Variants in SCUBE2 observed in about 807,000 individuals in gnomAD.
SCUBE2 encodes signal peptide, CUB and EGF-like domain-containing protein 2.
A neutral mutation model predicts 125.9 loss-of-function variants in SCUBE2; 114 were observed. The ratio of observed to expected loss-of-function variants is 0.91; its 90% CI spans 0.78 to 1.06. The LOEUF (loss-of-function observed/expected upper bound fraction) is 1.06. Ranked by LOEUF, SCUBE2 falls within the 50% of genes least tolerant of loss-of-function variation. The pLI, the probability that SCUBE2 is intolerant of heterozygous loss-of-function variation, is 0.00. For synonymous variants in SCUBE2, 459 were observed against 492.9 expected (o/e 0.93, Z 0.91); for missense variants, 1,255 against 1,301.8 (o/e 0.96, Z 0.55).
intron 4 of SCUBE2, among the ~76,000 whole-genome samples, chr11:9,071,860 C>T (rs1860826668): frequency 6.6e-6 from 1 of 152,112 alleles, no homozygotes; most frequent in Non-Finnish European, 1.5e-5. Context: ...TCTCAGAACA[C>T]ACAAAACAAA....
At chr11:9,042,783 G>A (rs1321393411) in intron 16 of SCUBE2, among the ~76,000 whole-genome samples, 2 of 152,112 alleles carry the variant, frequency 1.3e-5, no homozygotes, top group African/African-American at 4.8e-5. Flanking sequence ...TCTGAGCTCA[G>A]CCCACCTCTT....
In SCUBE2 at chr11:9,025,891, C is replaced by T. The variant is rs748360140; in HGVS notation, c.2702-37G>A. The T allele has an allele frequency of 6.2e-6, 10 of 1,601,710 alleles. 1 individual carries two copies. ...AGTTGGAGAAGGGTGGGGTTCAAGACTCATCACTGATCAGGCATAGAGTAG... is the reference window on the plus strand; with the variant it reads ...AGTTGGAGAAGGGTGGGGTTCAAGATTCATCACTGATCAGGCATAGAGTAG... On this transcript the variant is annotated intron_variant, in intron 20 of 22. Transcript: ENST00000649792.
intron 16 of SCUBE2, among the ~76,000 whole-genome samples, chr11:9,035,098 T>C (rs1304737820): frequency 6.6e-6 from 1 of 152,222 alleles, no homozygotes; most frequent in Admixed American, 6.5e-5. Context: ...AAATGTAGAT[T>C]TGTACCTTAT....
chr11:9,078,184 C>T (rs1198429948), intron 3 of SCUBE2, among the ~76,000 whole-genome samples: 3 of 152,200 alleles, frequency 2.0e-5, no homozygotes. Flanking sequence ...ATACTGATTC[C>T]TGCTCTCAGG....
chr11:9,031,158 A>G (rs1011019393), intron 17 of SCUBE2: 19 of 391,440 alleles, frequency 4.9e-5, no homozygotes, highest in Non-Finnish European at 8.2e-5. Context: ...ATGGAAACCA[A>G]GAAGTCAAGT....
At position 9,074,564 on chromosome 11, in the gene SCUBE2, T is replaced by C. The variant is rs1172440996; in HGVS notation, c.434A>G (p.Asn145Ser). The C allele has an allele frequency of 6.2e-7, 1 of 1,614,086 alleles. No individual in the cohort carries two copies. The highest frequency in any genetic ancestry group is 2.2e-5 in the East Asian group (1 of 44,894). The change falls in exon 4 of 23, where the codon AAC (asparagine) becomes AGC (serine). Residue 145 changes from asparagine to serine, a missense_variant. By Grantham distance (46) the Asn-to-Ser change is conservative. This residue lies in a region of SCUBE2 where 362 missense variants were observed against 323.0 expected (regional missense o/e 1.12). Transcript: ENST00000649792. ...GCAGCACTCATAGCTCCCCATGACG[T>C]TGACACAGGTATGCTGGCAGCCGCC... ...NNGGCQHTCVNVMGSYECCCK... is the reference protein window; with the variant it reads ...NNGGCQHTCVSVMGSYECCCK...
Position 9,054,725 on chromosome 11 carries a change from A to AT in SCUBE2, c.1208-967dup, listed in dbSNP as rs1174774188. 4.4e-3 allele frequency among the ~76,000 whole-genome samples: 98 copies of AT among 22,352 alleles called. 6 individuals carry two copies. The highest frequency in any genetic ancestry group is 0.019 in the East Asian group (6 of 314). The allele number at this position is 22,352 out of a possible 152,430, so 14.7% of individuals were successfully genotyped here. On this transcript the variant is annotated intron_variant, in intron 10 of 22. Coordinates refer to ENST00000649792, the MANE Select transcript of SCUBE2 (RefSeq NM_001367977.2). ...TGTATATATATATATATATATATAT[A>AT]TTTTTTTTTTTTTTTTTTTTTTTTT... is the stretch of plus-strand genomic sequence containing the variant.
intron 20 of SCUBE2, 29 bp downstream of exon 20, chr11:9,027,335 G>A: frequency 6.2e-7 from 1 of 1,611,158 alleles, no homozygotes; most frequent in Non-Finnish European, 8.5e-7. Flanking sequence ...CAGCTGGCCT[G>A]AGAAAGGGAG....
chr11:9,066,092 ACT>A lies in SCUBE2; in HGVS notation c.761-114_761-113del, dbSNP rs1190122484. On this transcript the variant is annotated intron_variant, in intron 6 of 22. Coordinates refer to ENST00000649792, the MANE Select transcript of SCUBE2 (RefSeq NM_001367977.2). ...ACATAAGAGGAATGAAAGATATGTG[ACT>A]CTGTTCACGCAATAAAAATGTGTTG... 7 of 713,500 alleles carry A rather than the reference ACT, an allele frequency of 9.8e-6. No homozygotes were observed. In the African/African-American group the frequency reaches 1.0e-4, roughly 11 times the overall value. 44.2% of individuals were successfully genotyped at this position (713,500 alleles called of 1,614,324 possible).
chr11:9,019,511 C>CT lies in SCUBE2; in HGVS notation c.*1533dup, dbSNP rs1270696524. On this transcript the variant is annotated 3_prime_UTR_variant, in exon 23 of 23. Coordinates refer to ENST00000649792, the MANE Select transcript of SCUBE2 (RefSeq NM_001367977.2). ...CAAAGTCCAAGTGCTTGTTTTAATG[C>CT]TATTTTTTTTTTAATGATGATGTTC... 3.4e-5 allele frequency among the ~76,000 whole-genome samples: 4 copies of CT among 118,548 alleles called. No homozygotes were observed. The highest frequency in any genetic ancestry group is 8.3e-5 in the Non-Finnish European group (4 of 48,462). The allele number at this position is 118,548 out of a possible 152,430, so 77.8% of individuals were successfully genotyped here.
intron 21 of SCUBE2, among the ~76,000 whole-genome samples, chr11:9,024,641 C>A (rs1047589987): frequency 6.6e-6 from 1 of 152,156 alleles, no homozygotes; most frequent in Non-Finnish European, 1.5e-5. Flanking sequence ...ACCCACTGAC[C>A]AAATAAGACC....
Position 9,051,237 on chromosome 11 carries a change from CCTAT to C in SCUBE2, c.1535-531_1535-528del, listed in dbSNP as rs796910729. ...ATCTATCTATCTATCTACCTACCTA[CCTAT>C]CTATCTATCTATCTATCTACCTATC... On this transcript the variant is annotated intron_variant, in intron 13 of 22. Transcript: ENST00000649792. 8.4e-4 allele frequency among the ~76,000 whole-genome samples: 127 copies of C among 150,384 alleles called. 1 individual carries two copies. The highest frequency in any genetic ancestry group is 1.3e-3 in the African/African-American group (54 of 40,580).
At position 9,052,730 on chromosome 11, in the gene SCUBE2, C is replaced by T. The variant is rs1452886134; in HGVS notation, c.1534+16G>A. On this transcript the variant is annotated intron_variant, in intron 13 of 22. Transcript: ENST00000649792. ...ACAGTGAGCCCCCAGAGAGAACACG[C>T]AGATTTGGTAATTACCCCCAAAAGC... 8 of 1,523,446 alleles carry T rather than the reference C, an allele frequency of 5.3e-6. No individual in the cohort carries two copies. The South Asian group carries it at 9.6e-5, about 18-fold the overall frequency. 94.4% of individuals were successfully genotyped at this position (1,523,446 alleles called of 1,614,324 possible).
At chr11:9,052,981 C>T (rs1858575383) in intron 12 of SCUBE2, 118 bp downstream of exon 12, 11 of 1,054,684 alleles carry the variant, frequency 1.0e-5, no homozygotes, top group South Asian at 7.4e-5. Context: ...TCTCAAAGCA[C>T]GGTGGTCGGG....
Position 9,060,423 on chromosome 11 carries a change from C to T in SCUBE2, c.952G>A (p.Gly318Arg). ...TGAAGGCTACCTTTACATGTCTTCC[C>T]ATCCAACTGGAGAGTGAATCCAACA... is the stretch of plus-strand genomic sequence containing the variant. ...CPVGFTLQLD[G>R]KTCKDIDECQ... is the part of the protein sequence containing the mutation. The change falls in exon 8 of 23, where the codon GGG (glycine) becomes AGG (arginine). Residue 318 changes from glycine (G) to arginine (R), a missense_variant. By Grantham distance (125) the Gly-to-Arg change is moderately radical (BLOSUM62 -2). Around this residue, in one of 3 missense-constraint regions of SCUBE2, gnomAD observed 378 missense variants for 463.1 expected, o/e 0.82. Transcript: ENST00000649792. The T allele has an allele frequency of 6.2e-7, 1 of 1,613,868 alleles. No individual in the cohort carries two copies.
rs1862718495 is a variant in SCUBE2 at position 9,091,422 on chromosome 11, C to G, written c.107G>C (p.Arg36Pro). 2 of 1,332,554 alleles carry G rather than the reference C, an allele frequency of 1.5e-6. No homozygotes were observed. The highest frequency in any genetic ancestry group is 1.5e-5 in the African/African-American group (1 of 64,678). 82.5% of individuals were successfully genotyped at this position (1,332,554 alleles called of 1,614,324 possible). A position where few individuals can be genotyped will look rare whatever the true frequency, so the allele number is the denominator to read the frequency against. The stretch of plus-strand genomic sequence containing the variant: ...CTCCTGCGGCCCCGCGGCACGGCCC[C>G]GACCCGGCGGGACGGCCCCCGCCAG... The part of the protein sequence containing the change: ...LLLAGAVPPG[R>P]GRAAGPQEDV... The change falls in exon 1 of 23, where the codon CGG becomes CCG. Residue 36 changes from arginine (R) to proline (P), a missense_variant. By Grantham distance (103) the Arg-to-Pro change is moderately radical. Transcript: ENST00000649792. This position sits in a 1 kb window ranked among gnomAD's most constrained non-coding sequence, Gnocchi z 8.5.
At chr11:9,084,033 A>G (rs1861869415) in intron 2 of SCUBE2, among the ~76,000 whole-genome samples, 2 of 152,190 alleles carry the variant, frequency 1.3e-5, no homozygotes, top group Admixed American at 6.5e-5. Context: ...AAACATCCAG[A>G]TCTTGGTTTC....
At chr11:9,074,429 G>T (rs1159090829) in intron 4 of SCUBE2, 52 bp downstream of exon 4, 33 of 1,605,364 alleles carry the variant, frequency 2.1e-5, no homozygotes, top group Non-Finnish European at 2.8e-5. Flanking sequence ...CGCGTGCAAG[G>T]GAGAGGGTCT....
chr11:9,033,514 C>T, intron 17 of SCUBE2, 112 bp downstream of exon 17: 4 of 1,287,546 alleles, frequency 3.1e-6, no homozygotes, highest in Non-Finnish European at 4.3e-6. Flanking sequence ...GTGGTCCCTG[C>T]TTGTAGGAAG....
Sources: allele counts gnomAD v4.1 joint callset (sites outside exome capture counted in the v4.1 genomes callset), GRCh38; gene constraint gnomAD v4.1.1; regional missense constraint gnomAD v4.1.1; non-coding constraint Gnocchi (gnomAD v3.1); transcripts MANE v1.5; gene names NCBI Gene and HGNC (gene_info 2026-07-23, HGNC 2026-07-21).